The following EIF2S3 variants were observed in gnomAD, a reference collection of about 807,000 sequenced individuals.
EIF2S3 encodes eukaryotic translation initiation factor 2 subunit 3.
EIF2S3 carries 2 observed loss-of-function variants against 31.7 expected under a neutral mutation model. The ratio of observed to expected loss-of-function variants is 0.06; its 90% confidence interval spans 0.03 to 0.20. The LOEUF (loss-of-function observed/expected upper bound fraction) is 0.20. Among genes scored for constraint, EIF2S3 ranks in the 10% least tolerant of loss-of-function variants. The probability of loss-of-function intolerance (pLI) is 1.00; values close to 1 mark genes in which losing one functional copy is unlikely to be tolerated. For synonymous variants in EIF2S3, 120 were observed against 126.7 expected, an observed-to-expected ratio of 0.95 and a Z score of 0.36; for missense variants, 96 against 359.3, an observed-to-expected ratio of 0.27 and a Z score of 5.92.
rs1930790366 is a variant in EIF2S3, at chrX:24,078,385, T to TG, written c.*1601dup. 9.1e-6 allele frequency among the ~76,000 whole-genome samples: 1 copy of TG among 110,184 alleles called. No individual in the cohort carries two copies. The highest frequency in any genetic ancestry group is 3.8e-4 in the South Asian group (1 of 2,602). On this transcript the variant is annotated 3_prime_UTR_variant, in exon 12 of 12. Transcript: ENST00000253039. ...CTGTTGAGCAGTGATTTGCAACTCT[T>TG]GCTGACGTTGCTGGGGAAGCTTTAA...
In EIF2S3 at chrX:24,068,006, G is replaced by A. The variant is rs923141019; in HGVS notation, c.910G>A (p.Asp304Asn). The A allele has an allele frequency of 8.3e-6, 10 of 1,202,698 alleles. No individual in the cohort carries two copies. Among genetic ancestry groups the A allele is most frequent in the Non-Finnish European group, 1.1e-5 (10 of 890,390 alleles). The change falls in exon 9 of 12, where the codon GAT (aspartate) becomes AAT (asparagine). Residue 304 changes from aspartate to asparagine, a missense_variant. By Grantham distance (23) the Asp-to-Asn change is conservative. Coordinates refer to ENST00000253039, the MANE Select transcript of EIF2S3 (RefSeq NM_001415.4). ...AGTAAGACCTGGTATTGTTTCCAAA[G>A]ATAGTGAAGGAAAACTCATGTGTAA... ...IEVRPGIVSK[D>N]SEGKLMCKPI...
intron 11 of EIF2S3, among the ~76,000 whole-genome samples, chrX:24,074,236 C>T (rs1930715157): frequency 8.9e-6 from 1 of 112,264 alleles, no homozygotes; most frequent in Non-Finnish European, 1.9e-5. Context: ...AGAATACAAA[C>T]TAGTTACTTT....
At chrX:24,075,173 CT>C (rs1260533396) in intron 11 of EIF2S3, among the ~76,000 whole-genome samples, 2 of 110,151 alleles carry the variant, frequency 1.8e-5, no homozygotes, top group Non-Finnish European at 3.8e-5. Flanking sequence ...CCTCTTTCTT[CT>C]TTTTTTTGGA....
chrX:24,058,494 C>T (rs1022946978), intron 4 of EIF2S3, among the ~76,000 whole-genome samples: 19 of 106,250 alleles, frequency 1.8e-4, no homozygotes, highest in African/African-American at 5.1e-4. Flanking sequence ...GCATTAATTT[C>T]GACTTTTTAA....
Position 24,078,617 on chromosome X carries a change from G to C in EIF2S3, c.*1832G>C, listed in dbSNP as rs1244416398. On this transcript the variant is annotated 3_prime_UTR_variant, in exon 12 of 12. Transcript: ENST00000253039. ...AATTTGCTTTGCTTTTCTTAAATTTGCATTGAGATGGGATTTGAAGCATAT... is the reference window on the plus strand; with the variant it reads ...AATTTGCTTTGCTTTTCTTAAATTTCCATTGAGATGGGATTTGAAGCATAT... Among the ~76,000 whole-genome samples, 1 of 111,779 alleles carries C rather than the reference G, an allele frequency of 8.9e-6. No homozygotes were observed. The highest frequency in any genetic ancestry group is 1.9e-5 in the Non-Finnish European group (1 of 53,191).
intron 5 of EIF2S3, chrX:24,060,590 AT>A (rs770410149): frequency 1.3e-4 from 19 of 145,389 alleles, no homozygotes; most frequent in Non-Finnish European, 2.3e-4. Context: ...AAGTGTAGGA[AT>A]AAGTGGAGTT....
chrX:24,059,003 G>A (rs746791540), intron 4 of EIF2S3, among the ~76,000 whole-genome samples: 6 of 112,342 alleles, frequency 5.3e-5, no homozygotes, highest in Admixed American at 2.8e-4. Flanking sequence ...GGGATTACAG[G>A]CATGAGCCTC....
chrX:24,071,831 AAAAG>A, intron 10 of EIF2S3, 104 bp downstream of exon 10: 2 of 939,387 alleles, frequency 2.1e-6, no homozygotes, highest in Non-Finnish European at 2.9e-6. Flanking sequence ...AATTAAGAAA[AAAAG>A]AAAAGGTAAA....
intron 3 of EIF2S3, 23 bp from the exon 4 acceptor site, chrX:24,057,610 A>C: frequency 8.3e-7 from 1 of 1,209,762 alleles, no homozygotes; most frequent in Non-Finnish European, 1.1e-6. Context: ...ACAAATCAAA[A>C]TCTTTTTTTA....
intron 5 of EIF2S3, 190 bp downstream of exon 5, chrX:24,060,372 G>C (rs1015913441): frequency 2.5e-6 from 1 of 395,949 alleles, no homozygotes; most frequent in Non-Finnish European, 4.4e-6. Flanking sequence ...GATAGACTTG[G>C]GGCTGATAGC....
chrX:24,058,595 C>T (rs1412852259), intron 4 of EIF2S3, among the ~76,000 whole-genome samples: 1 of 95,617 alleles, frequency 1.0e-5, no homozygotes, highest in Non-Finnish European at 2.0e-5. Flanking sequence ...TGCAGTGGTG[C>T]GATCTTGGCT....
rs7890400 is a variant in EIF2S3 at position 24,060,240 on chromosome X, A to G, written c.478+58A>G. 0.018 allele frequency: 18,767 copies of G among 1,023,798 alleles called. 1,264 individuals are homozygous for G. In the African/African-American group the frequency reaches 0.24, roughly 13 times the overall value. The allele number at this position is 1,023,798 out of a possible 1,213,427, so 84.4% of individuals were successfully genotyped here. A position where few individuals can be genotyped will look rare whatever the true frequency, so the allele number is the denominator to read the frequency against. On this transcript the variant is annotated intron_variant, in intron 5 of 11. Transcript: ENST00000253039. ...ATGTGGAACAAATCCAAGATGAAAT[A>G]TTTAAAGGGGAACTAAGGCCTTTAA... is the stretch of plus-strand genomic sequence containing the variant.
At chrX:24,055,591 G>A (rs749986597) in intron 1 of EIF2S3, 24 bp from the exon 2 acceptor site, 99 of 1,203,334 alleles carry the variant, frequency 8.2e-5, no homozygotes, top group Non-Finnish European at 1.1e-4. Context: ...TACGTGCAGT[G>A]TTTTAAAATA....
intron 5 of EIF2S3, among the ~76,000 whole-genome samples, chrX:24,060,725 G>A (rs1047366886): frequency 2.7e-5 from 3 of 109,726 alleles, no homozygotes; most frequent in African/African-American, 9.9e-5. Flanking sequence ...ACTTTGGGAG[G>A]CTGAGGTCGG....
chrX:24,062,318 C>G, intron 5 of EIF2S3, 98 bp from the exon 6 acceptor site: 1 of 969,820 alleles, frequency 1.0e-6, no homozygotes, highest in Non-Finnish European at 1.4e-6. Flanking sequence ...CAGCCCCTTG[C>G]AACCCATAAT....
intron 2 of EIF2S3, among the ~76,000 whole-genome samples, chrX:24,056,653 G>A (rs1273009345): frequency 1.8e-5 from 2 of 111,327 alleles, no homozygotes; most frequent in Non-Finnish European, 1.9e-5. Flanking sequence ...GAGCCCAGGA[G>A]TTGGAGACCA....
intron 11 of EIF2S3, 116 bp downstream of exon 11, chrX:24,073,379 A>G (rs1930701008): frequency 3.2e-6 from 3 of 948,467 alleles, no homozygotes; most frequent in Non-Finnish European, 4.3e-6. Context: ...AGTCTCAACT[A>G]TTTATTTGGA....
chrX:24,070,382 T>C (rs1930647959), intron 9 of EIF2S3, among the ~76,000 whole-genome samples: 1 of 103,746 alleles, frequency 9.6e-6, no homozygotes, highest in Non-Finnish European at 2.0e-5. Context: ...TTCTTTCCCC[T>C]ACTCCCCTCA....
chrX:24,060,897 AAG>A (rs1416603109), intron 5 of EIF2S3, among the ~76,000 whole-genome samples: 3 of 94,835 alleles, frequency 3.2e-5, no homozygotes, highest in African/African-American at 1.2e-4. Context: ...GCAGTGAGCC[AAG>A]ATTGCGCCAT....
Sources: gnomAD v4.1 joint callset for allele counts (sites outside exome capture counted in the v4.1 genomes callset) on GRCh38, gnomAD v4.1.1 for gene constraint, MANE v1.5 for transcripts, NCBI Gene and HGNC (gene_info 2026-07-23, HGNC 2026-07-21) for gene names.